Variants in MYO3B observed in about 807,000 individuals in gnomAD.
The protein encoded by MYO3B is myosin-IIIb.
A neutral mutation model predicts 174.6 loss-of-function variants in MYO3B; 156 were observed. That is an observed-to-expected ratio of 0.89 (90% confidence interval 0.78 to 1.02). The LOEUF (loss-of-function observed/expected upper bound fraction) is 1.02. MYO3B is among the 50% of genes least tolerant of loss of function. The pLI, the probability that MYO3B is intolerant of heterozygous loss-of-function variation, is 0.00. For missense variants in MYO3B, 1,632 were observed against 1,639.4 expected, an observed-to-expected ratio of 1.00 and a Z score of 0.08; for synonymous variants, 563 against 569.1, an observed-to-expected ratio of 0.99 and a Z score of 0.15.
At position 170,401,679 on chromosome 2, in the gene MYO3B, A is replaced by G; in HGVS notation, c.2117A>G (p.Asp706Gly). ...CGCATTAATACACTCCTGCAGCCAG[A>G]CGAAAACATATGGCAAGTTCCTCGG... ...VNRINTLLQPDENICSAGGGM... is the reference protein window; with the variant it reads ...VNRINTLLQPGENICSAGGGM... Residue 706 changes from aspartate to glycine, a missense_variant, in exon 18 of 35, where the codon GAC becomes GGC. Transcript: ENST00000408978. 1.9e-6 allele frequency: 3 copies of G among 1,613,756 alleles called. No individual in the cohort carries two copies. Among genetic ancestry groups the G allele is most frequent in the Admixed American group, 1.7e-5 (1 of 60,028 alleles).
rs7558476 is a variant in MYO3B, at chr2:170,262,049, T to C, written c.749+25913T>C. Among the ~76,000 whole-genome samples, 764 of 152,230 alleles carry C rather than the reference T, an allele frequency of 5.0e-3. 7 individuals carry two copies. The highest frequency in any genetic ancestry group is 0.018 in the African/African-American group (739 of 41,530). On this transcript the variant is annotated intron_variant, in intron 7 of 34. Transcript: ENST00000408978. ...TCTGTTTGAAACTCCATATTGTGACTAAGTGTACACATCAGACAGAATGGA... is the reference window on the plus strand; with the variant it reads ...TCTGTTTGAAACTCCATATTGTGACCAAGTGTACACATCAGACAGAATGGA...
At chr2:170,450,536 C>T (rs557127275) in intron 23 of MYO3B, among the ~76,000 whole-genome samples, 2 of 151,756 alleles carry the variant, frequency 1.3e-5, no homozygotes, top group Non-Finnish European at 2.9e-5. Context: ...AGCATGAGGC[C>T]AGCTGAATCT....
chr2:170,466,770 CTGTGTCCTAAGAT>C (rs67549561), intron 25 of MYO3B, 59 bp downstream of exon 25: 369,359 of 1,546,326 alleles, frequency 0.24, 46,931 homozygotes, highest in Middle Eastern at 0.3. Context: ...CTGGCCATCC[CTGTGTCCTAAGAT>C]TGTTCCTCCT....
intron 32 of MYO3B, among the ~76,000 whole-genome samples, chr2:170,618,054 G>T (rs1235893067): frequency 2.0e-5 from 3 of 152,316 alleles, no homozygotes; most frequent in Middle Eastern, 3.4e-3. Flanking sequence ...CCAGACGGTA[G>T]TGTGACAGCC....
chr2:170,506,855 A>T (rs969407566), intron 28 of MYO3B, among the ~76,000 whole-genome samples: 3 of 152,254 alleles, frequency 2.0e-5, no homozygotes, highest in African/African-American at 7.2e-5. Flanking sequence ...GGGGACTGTA[A>T]GTAAATGCAC....
In MYO3B at chr2:170,652,109, G is replaced by C. The variant is rs1259758590; in HGVS notation, c.3842G>C (p.Gly1281Ala). 6.2e-7 allele frequency: 1 copy of C among 1,613,660 alleles called. No individual in the cohort carries two copies. The highest frequency in any genetic ancestry group is 8.5e-7 in the Non-Finnish European group (1 of 1,179,950). The stretch of plus-strand genomic sequence containing the variant: ...GTGTGTTCTTGGCCCTCTCCACAGG[G>C]AACTCTAGAATATCAAGGGAGCAAG... ...EDTMYYNQLN[G>A]TLEYQGSKRK... is the part of the protein sequence containing the mutation. The change falls in exon 34 of 35, where the codon GGA becomes GCA. Residue 1281 changes from glycine (G) to alanine (A), a missense_variant and splice_region_variant. Gly to Ala is a moderately conservative substitution (Grantham distance 60). Transcript: ENST00000408978.
chr2:170,395,200 C>T (rs2094436431), intron 16 of MYO3B, among the ~76,000 whole-genome samples: 1 of 152,098 alleles, frequency 6.6e-6, no homozygotes, highest in African/African-American at 2.4e-5. Flanking sequence ...ATGATGATGA[C>T]TCCTTGTGGA....
chr2:170,649,454 T>A (rs1421020342), intron 32 of MYO3B, among the ~76,000 whole-genome samples: 1 of 126,526 alleles, frequency 7.9e-6, no homozygotes, highest in Admixed American at 9.5e-5. Flanking sequence ...AAATATATAA[T>A]ATATAATACA....
chr2:170,393,105 A>G (rs1016870952), intron 16 of MYO3B, among the ~76,000 whole-genome samples: 1 of 142,628 alleles, frequency 7.0e-6, no homozygotes, highest in African/African-American at 2.6e-5. Flanking sequence ...TTTTTTTGAG[A>G]CAGAATCTTA....
intron 14 of MYO3B, among the ~76,000 whole-genome samples, chr2:170,390,128 A>G (rs1446378337): frequency 6.6e-6 from 1 of 152,228 alleles, no homozygotes; most frequent in Non-Finnish European, 1.5e-5. Context: ...TATACACAAT[A>G]AAATTTATTT....
intron 25 of MYO3B, among the ~76,000 whole-genome samples, chr2:170,477,758 A>G (rs1685405957): frequency 6.6e-6 from 1 of 150,920 alleles, no homozygotes; most frequent in Non-Finnish European, 1.5e-5. Flanking sequence ...GTATCTCTAG[A>G]TGTTGTCAAA....
chr2:170,321,770 C>T (rs2093828374), intron 7 of MYO3B, among the ~76,000 whole-genome samples: 1 of 152,050 alleles, frequency 6.6e-6, no homozygotes, highest in Non-Finnish European at 1.5e-5. Context: ...ATACACTTCC[C>T]CAGTTTCTGA....
At chr2:170,325,131 T>A (rs1046967636) in intron 7 of MYO3B, among the ~76,000 whole-genome samples, 25 of 152,152 alleles carry the variant, frequency 1.6e-4, no homozygotes, top group African/African-American at 5.3e-4. Flanking sequence ...ACCTGCTATA[T>A]CTGTATTCTT....
At chr2:170,539,631 T>G (rs1689954437) in intron 30 of MYO3B, among the ~76,000 whole-genome samples, 1 of 151,988 alleles carries the variant, frequency 6.6e-6, no homozygotes, top group African/African-American at 2.4e-5. Context: ...TTATTTTTTT[T>G]TTTTTGAGAT....
At chr2:170,495,726 G>A (rs1002335675) in intron 25 of MYO3B, among the ~76,000 whole-genome samples, 4 of 152,204 alleles carry the variant, frequency 2.6e-5, no homozygotes, top group African/African-American at 7.2e-5. Context: ...GTAACACTGA[G>A]CATTCACCAT....
chr2:170,180,923 TTAA>T (rs2092391388), intron 1 of MYO3B, among the ~76,000 whole-genome samples: 1 of 152,202 alleles, frequency 6.6e-6, no homozygotes, highest in Non-Finnish European at 1.5e-5. Context: ...TCTTTCCATA[TTAA>T]TTGGCAGAAA....
chr2:170,573,833 T>C (rs1692616323), intron 32 of MYO3B, among the ~76,000 whole-genome samples: 1 of 152,194 alleles, frequency 6.6e-6, no homozygotes, highest in South Asian at 2.1e-4. Context: ...TCAACCATAG[T>C]TGCCTTTTTC....
intron 7 of MYO3B, among the ~76,000 whole-genome samples, chr2:170,250,521 C>A (rs917329595): frequency 2.0e-5 from 3 of 152,174 alleles, no homozygotes; most frequent in Non-Finnish European, 4.4e-5. Flanking sequence ...GGGGGGCATG[C>A]AGATGGACAG....
chr2:170,598,060 C>T (rs569240250), intron 32 of MYO3B, among the ~76,000 whole-genome samples: 35 of 152,274 alleles, frequency 2.3e-4, no homozygotes, highest in African/African-American at 5.8e-4. Context: ...CTTTTGGCAA[C>T]GAACAGATCC....
Sources: gnomAD v4.1 joint callset for allele counts (sites outside exome capture counted in the v4.1 genomes callset) on GRCh38, gnomAD v4.1.1 for gene constraint, MANE v1.5 for transcripts, NCBI Gene and HGNC (gene_info 2026-07-23, HGNC 2026-07-21) for gene names.